The following SETX variants were observed in gnomAD, a reference collection of about 807,000 sequenced individuals.
SETX encodes the protein senataxin.
Under a neutral mutation model 227.2 loss-of-function variants are expected in SETX, and 90 were observed. The observed-to-expected ratio is 0.40, with a 90% CI of 0.33 to 0.47. The LOEUF (loss-of-function observed/expected upper bound fraction) is 0.47. SETX is among the 20% of genes least tolerant of loss of function. The pLI is 0.91. For missense variants in SETX, 3,052 were observed against 3,181.5 expected, an observed-to-expected ratio of 0.96 and a Z score of 0.98; for synonymous variants, 1,210 against 1,113.2, an observed-to-expected ratio of 1.09 and a Z score of -1.73.
At chr9:132,271,890 T>A in intron 23 of SETX, 82 bp from the exon 24 acceptor site, 1 of 1,241,278 alleles carries the variant, frequency 8.1e-7, no homozygotes, top group Non-Finnish European at 1.1e-6. Context: ...GTTTTTTGGT[T>A]TTTTTTTTTT....
intron 10 of SETX, among the ~76,000 whole-genome samples, chr9:132,312,859 T>C (rs1454058344): frequency 6.6e-6 from 1 of 152,224 alleles, no homozygotes; most frequent in Non-Finnish European, 1.5e-5. Context: ...AGTTGGTGAA[T>C]GCATAAACAA....
At chr9:132,283,962 C>T (rs751905292) in intron 18 of SETX, among the ~76,000 whole-genome samples, 3 of 152,150 alleles carry the variant, frequency 2.0e-5, no homozygotes, top group South Asian at 2.1e-4. Context: ...GTGATGGAGC[C>T]GGACGTGAGT....
chr9:132,326,217 C>T, intron 10 of SETX, 107 bp downstream of exon 10: 1 of 894,908 alleles, frequency 1.1e-6, no homozygotes, highest in Non-Finnish European at 1.8e-6. Context: ...CAGGTGCCCG[C>T]AACCACGCCT....
intron 4 of SETX, among the ~76,000 whole-genome samples, chr9:132,345,449 T>C (rs1564566991): frequency 6.6e-6 from 1 of 152,110 alleles, no homozygotes; most frequent in Non-Finnish European, 1.5e-5. Context: ...AATTTTTGTA[T>C]TTTTAGTAGA....
intron 10 of SETX, among the ~76,000 whole-genome samples, chr9:132,315,387 CAA>C (rs1179197404): frequency 6.6e-6 from 1 of 152,136 alleles, no homozygotes; most frequent in Non-Finnish European, 1.5e-5. Flanking sequence ...CCTTTCAATA[CAA>C]AAGTCTAAGG....
At chr9:132,351,467 C>G (rs1285302297) in intron 2 of SETX, among the ~76,000 whole-genome samples, 1 of 152,194 alleles carries the variant, frequency 6.6e-6, no homozygotes, top group Non-Finnish European at 1.5e-5. Context: ...ACTTAGAAAA[C>G]TAGCCTATTT....
chr9:132,287,931 T>C (rs144066953), intron 17 of SETX, among the ~76,000 whole-genome samples: 1 of 152,332 alleles, frequency 6.6e-6, no homozygotes, highest in East Asian at 1.9e-4. Context: ...CCCAGCACTT[T>C]GGGATGCTGA....
chr9:132,314,150 T>C (rs1422014139), intron 10 of SETX, among the ~76,000 whole-genome samples: 1 of 152,036 alleles, frequency 6.6e-6, no homozygotes, highest in Non-Finnish European at 1.5e-5. Context: ...GGGAGTGCAA[T>C]GGTGCGATCT....
Position 132,286,413 on chromosome 9 carries a change from A to AGTT in SETX, c.6396+9_6396+10insAAC. On this transcript the variant is annotated intron_variant, in intron 18 of 25. Coordinates refer to ENST00000224140, the MANE Select transcript of SETX (RefSeq NM_015046.7). ...AAAAATCAAGAAAATGCTACAGGTG[A>AGTT]ACTACTTACCTCTTTAATTTTAGAA... The AGTT allele has an allele frequency of 6.3e-7, 1 of 1,594,502 alleles. No homozygotes were observed. The highest frequency in any genetic ancestry group is 1.1e-5 in the South Asian group (1 of 88,290).
At chr9:132,309,146 GAACA>G (rs1338116734) in intron 11 of SETX, among the ~76,000 whole-genome samples, 6 of 151,978 alleles carry the variant, frequency 3.9e-5, no homozygotes, top group African/African-American at 1.4e-4. Flanking sequence ...TCAAAAAACA[GAACA>G]AACAAAACAA....
intron 16 of SETX, 24 bp from the exon 17 acceptor site, chr9:132,288,375 A>G (rs1277543135): frequency 1.3e-6 from 2 of 1,540,476 alleles, no homozygotes; most frequent in South Asian, 2.3e-5. Context: ...CAAATAAAAA[A>G]TTATATGCTA....
At chr9:132,324,411 C>A (rs536021149) in intron 10 of SETX, among the ~76,000 whole-genome samples, 2 of 152,278 alleles carry the variant, frequency 1.3e-5, no homozygotes, top group South Asian at 4.1e-4. Context: ...CAACTCACTT[C>A]TCTTCTTTTG....
Position 132,349,369 on chromosome 9 carries a change from G to A in SETX, c.60C>T (p.Arg20=), listed in dbSNP as rs553346505. 1.8e-5 allele frequency: 29 copies of A among 1,614,148 alleles called. No individual in the cohort carries two copies. The South Asian group carries it at 3.0e-4, about 17-fold the overall frequency. The change falls in exon 3 of 26, where the codon CGC becomes CGT. Residue 20 remains arginine, a synonymous_variant. Coordinates refer to ENST00000224140, the MANE Select transcript of SETX (RefSeq NM_015046.7). The stretch of plus-strand genomic sequence containing the variant: ...CACCGGACGGAGTGTTGGAAGCATA[G>A]CGCTTTAGGAAGTCAATGGTGGAAG... ...GGASTIDFLK[R]YASNTPSGEF...
intron 10 of SETX, among the ~76,000 whole-genome samples, chr9:132,313,224 T>C (rs755838738): frequency 2.6e-5 from 4 of 152,176 alleles, no homozygotes; most frequent in Non-Finnish European, 5.9e-5. Flanking sequence ...AAGGGTATAT[T>C]TTATGGTATA....
Position 132,300,564 on chromosome 9 carries a change from T to C in SETX, c.5548+66A>G, listed in dbSNP as rs779277489. On this transcript the variant is annotated intron_variant, in intron 12 of 25. Coordinates refer to ENST00000224140, the MANE Select transcript of SETX (RefSeq NM_015046.7). ...ATCAAATACACTTGATATACACAAT[T>C]GAGAAGTAGATTATTAGATGAGACT... is the stretch of plus-strand genomic sequence containing the variant. The C allele has an allele frequency of 1.1e-4, 165 of 1,520,286 alleles. 1 individual carries two copies. The highest frequency in any genetic ancestry group is 5.1e-4 in the Middle Eastern group (3 of 5,876). 94.2% of individuals were successfully genotyped at this position (1,520,286 alleles called of 1,614,324 possible).
At chr9:132,333,457 A>ACG in intron 7 of SETX, among the ~76,000 whole-genome samples, 1 of 142,024 alleles carries the variant, frequency 7.0e-6, no homozygotes, top group South Asian at 2.2e-4. Flanking sequence ...ACACACACAC[A>ACG]CGCCCTATCA....
intron 10 of SETX, among the ~76,000 whole-genome samples, chr9:132,319,259 T>A (rs1194143374): frequency 6.6e-6 from 1 of 152,238 alleles, no homozygotes; most frequent in Non-Finnish European, 1.5e-5. Flanking sequence ...TCTCCTGGGC[T>A]ACTATAGTAG....
chr9:132,300,820 A>C lies in SETX; in HGVS notation c.5375-17T>G. 2.5e-6 allele frequency: 4 copies of C among 1,607,748 alleles called. No homozygotes were observed. Among genetic ancestry groups the C allele is most frequent in the South Asian group, 1.1e-5 (1 of 90,592 alleles). On this transcript the variant is annotated splice_polypyrimidine_tract_variant and intron_variant, in intron 11 of 25. Coordinates refer to ENST00000224140, the MANE Select transcript of SETX (RefSeq NM_015046.7). ...CCAGATAAACTATGAAACAAGAAGAAGTCGGAATTCATATAACTCTAATAG... is the reference window on the plus strand; with the variant it reads ...CCAGATAAACTATGAAACAAGAAGACGTCGGAATTCATATAACTCTAATAG...
chr9:132,272,475 TA>T (rs201380297), intron 23 of SETX, among the ~76,000 whole-genome samples: 10,424 of 144,144 alleles, frequency 0.072, 431 homozygotes, highest in South Asian at 0.16. Context: ...TAAAGAAACT[TA>T]AAAAAAAAAA....
Sources: allele counts gnomAD v4.1 joint callset (sites outside exome capture counted in the v4.1 genomes callset), GRCh38; gene constraint gnomAD v4.1.1; transcripts MANE v1.5; gene names NCBI Gene and HGNC (gene_info 2026-07-23, HGNC 2026-07-21).